Variants in VSIG10L2 observed in about 807,000 individuals in gnomAD.
The protein encoded by VSIG10L2 is V-set and immunoglobulin domain containing 10 like 2.
VSIG10L2 carries 56 observed loss-of-function variants against 67.1 expected under a neutral mutation model. The ratio of observed to expected loss-of-function variants is 0.83; its 90% confidence interval spans 0.67 to 1.04. The LOEUF is 1.04. Among genes scored for constraint, VSIG10L2 ranks in the 50% least tolerant of loss-of-function variants. The pLI is 0.00. For missense variants in VSIG10L2, 843 were observed against 932.8 expected (o/e 0.90, Z 1.25); for synonymous variants, 360 against 396.6 (o/e 0.91, Z 1.10).
chr11:125,951,461 T>A (rs1055581124), intron 5 of VSIG10L2, among the ~76,000 whole-genome samples: 11 of 152,186 alleles, frequency 7.2e-5, no homozygotes, highest in African/African-American at 2.7e-4. Context: ...CTCTGACGCA[T>A]GTTGGGCTTG....
rs1336986067 is a variant in VSIG10L2, at chr11:125,955,635, G to A, written c.2252G>A (p.Arg751Lys). ...CTCAGGGAGCAAAGGCACCAACAGA[G>A]GGGTTCCAGAGAAGATGCTGAGGCA... ...LVPTEQRHQQ[R>K]GSREDAEAPA... Residue 751 changes from arginine (R) to lysine (K), a missense_variant, in exon 11 of 12, where the codon AGG (arginine) becomes AAG (lysine). Coordinates refer to ENST00000686984, the MANE Select transcript of VSIG10L2 (RefSeq NM_001365077.2). The A allele has an allele frequency of 3.3e-6, 5 of 1,531,778 alleles. No homozygotes were observed. The South Asian group carries it at 4.8e-5, about 15-fold the overall frequency. The allele number at this position is 1,531,778 out of a possible 1,614,324, so 94.9% of individuals were successfully genotyped here.
intron 4 of VSIG10L2, 70 bp from the exon 5 acceptor site, chr11:125,950,840 T>C: frequency 8.1e-7 from 1 of 1,229,014 alleles, no homozygotes; most frequent in African/African-American, 1.6e-5. Context: ...CAGACTCCCC[T>C]GCCTGGGCCT....
chr11:125,949,382 G>T (rs117364045), intron 3 of VSIG10L2, among the ~76,000 whole-genome samples: 1 of 152,174 alleles, frequency 6.6e-6, no homozygotes, highest in Non-Finnish European at 1.5e-5. Context: ...TTTAAGGAGC[G>T]AGGACGAATG....
intron 3 of VSIG10L2, among the ~76,000 whole-genome samples, chr11:125,949,734 G>T (rs1392961353): frequency 6.6e-6 from 1 of 152,110 alleles, no homozygotes; most frequent in Non-Finnish European, 1.5e-5. Context: ...GGGAAGCATT[G>T]GTCCCCTACC....
chr11:125,950,901 C>T lies in VSIG10L2; in HGVS notation c.986-9C>T. 1 of 1,232,734 alleles carries T rather than the reference C, an allele frequency of 8.1e-7. No homozygotes were observed. Among genetic ancestry groups the T allele is most frequent in the Non-Finnish European group, 1.0e-6 (1 of 988,440 alleles). 76.4% of individuals were successfully genotyped at this position (1,232,734 alleles called of 1,614,324 possible). ...AGCCTGCTCCAGCCTCACCCACTTC[C>T]CCATCCAGATCCCCCTGAGGGACAG... is the stretch of plus-strand genomic sequence containing the variant. On this transcript the variant is annotated splice_polypyrimidine_tract_variant and intron_variant, in intron 4 of 11. Transcript: ENST00000686984.
intron 3 of VSIG10L2, among the ~76,000 whole-genome samples, chr11:125,949,418 T>C (rs1029495943): frequency 4.6e-5 from 7 of 152,132 alleles, no homozygotes; most frequent in Admixed American, 6.5e-5. Flanking sequence ...GTCTTCACCG[T>C]GGCGGTTTGT....
At chr11:125,948,657 G>C in intron 3 of VSIG10L2, 77 bp downstream of exon 3, 1 of 1,220,614 alleles carries the variant, frequency 8.2e-7, no homozygotes, top group Non-Finnish European at 1.0e-6. Context: ...CCACACCTCA[G>C]AACTCCCCAA....
rs910748788 is a variant in VSIG10L2, at chr11:125,947,788, C to T, written c.185C>T (p.Pro62Leu). ...CTGGCCTGTGGCTCAGGGCCTGCCC[C>T]GCTGCTGGTCCTCTGGAGCTTCACC... Reference protein sequence around the residue: ...VELACGSGPAPLLVLWSFTPL... With the variant: ...VELACGSGPALLLVLWSFTPL... The change falls in exon 2 of 12, where the codon CCG (proline) becomes CTG (leucine). Residue 62 changes from proline (P) to leucine (L), a missense_variant. Pro to Leu is a moderately conservative substitution (Grantham distance 98). Around this residue, in one of 2 missense-constraint regions of VSIG10L2, gnomAD observed 446 missense variants for 548.4 expected, o/e 0.81. Transcript: ENST00000686984. The T allele has an allele frequency of 1.9e-5, 23 of 1,232,532 alleles. No homozygotes were observed. The highest frequency in any genetic ancestry group is 3.2e-5 in the East Asian group (1 of 31,712). 76.3% of individuals were successfully genotyped at this position (1,232,532 alleles called of 1,614,324 possible). A position where few individuals can be genotyped will look rare whatever the true frequency, so the allele number is the denominator to read the frequency against.
intron 7 of VSIG10L2, 77 bp from the exon 8 acceptor site, chr11:125,954,008 GAC>G: frequency 8.5e-7 from 1 of 1,179,318 alleles, no homozygotes; most frequent in Non-Finnish European, 1.1e-6. Context: ...GCTGTCTCTT[GAC>G]AGGAGCAAAT....
Position 125,956,286 on chromosome 11 carries a change from T to G in VSIG10L2, c.*372T>G. ...GAAAAAAAGTCTGTGGATGGAGCAA[T>G]TCCTAAATAAATCAGAGCTGATGTT... On this transcript the variant is annotated 3_prime_UTR_variant, in exon 12 of 12. Coordinates refer to ENST00000686984, the MANE Select transcript of VSIG10L2 (RefSeq NM_001365077.2). The G allele has an allele frequency of 1.6e-6, 1 of 613,018 alleles. No individual in the cohort carries two copies. Among genetic ancestry groups the G allele is most frequent in the Non-Finnish European group, 2.7e-6 (1 of 367,224 alleles). 38.0% of individuals were successfully genotyped at this position (613,018 alleles called of 1,614,324 possible). A position where few individuals can be genotyped will look rare whatever the true frequency, so the allele number is the denominator to read the frequency against.
At position 125,955,805 on chromosome 11, in the gene VSIG10L2, T is replaced by C. The variant is rs1362910378; in HGVS notation, c.2285-12T>C. 8 of 814,862 alleles carry C rather than the reference T, an allele frequency of 9.8e-6. No individual in the cohort carries two copies. Among genetic ancestry groups the C allele is most frequent in the African/African-American group, 3.4e-5 (2 of 59,272 alleles). 50.5% of individuals were successfully genotyped at this position (814,862 alleles called of 1,614,324 possible). ...CATCCCTCTGTTCTTTGCCCACATA[T>C]GCTCTTCATAGGCCTTGAAACACCA... On this transcript the variant is annotated splice_polypyrimidine_tract_variant and intron_variant, in intron 11 of 11. Transcript: ENST00000686984.
chr11:125,949,573 C>T (rs118117893), intron 3 of VSIG10L2, among the ~76,000 whole-genome samples: 1,647 of 151,926 alleles, frequency 0.011, 13 homozygotes, highest in Non-Finnish European at 0.017. Flanking sequence ...GAGCTTGGAA[C>T]GCAGGAGAGA....
At position 125,949,910 on chromosome 11, in the gene VSIG10L2, C is replaced by T. The variant is rs1945343133; in HGVS notation, c.710-104C>T. The T allele has an allele frequency of 3.5e-6, 4 of 1,147,274 alleles. No individual in the cohort carries two copies. The Admixed American group carries it at 1.3e-4, about 36-fold the overall frequency. 71.1% of individuals were successfully genotyped at this position (1,147,274 alleles called of 1,614,324 possible). A position where few individuals can be genotyped will look rare whatever the true frequency, so the allele number is the denominator to read the frequency against. ...GCCTTGGGGTGGACACGGGCCAGTG[C>T]ATACTACATGCCCCTAGGATGGATG... On this transcript the variant is annotated intron_variant, in intron 3 of 11. Coordinates refer to ENST00000686984, the MANE Select transcript of VSIG10L2 (RefSeq NM_001365077.2).
intron 1 of VSIG10L2, 52 bp from the exon 2 acceptor site, chr11:125,947,634 C>T: frequency 8.1e-7 from 1 of 1,232,132 alleles, no homozygotes; most frequent in Non-Finnish European, 1.0e-6. Flanking sequence ...GCAGGGAGTG[C>T]AGGAGAGCCC....
At chr11:125,948,623 A>ATC in intron 3 of VSIG10L2, 43 bp downstream of exon 3, 1 of 1,231,352 alleles carries the variant, frequency 8.1e-7, no homozygotes, top group Non-Finnish European at 1.0e-6. Context: ...GCTGACACCC[A>ATC]TCTCCCCATC....
chr11:125,955,174 TC>T lies in VSIG10L2; in HGVS notation c.2206del (p.Arg736AlafsTer48). 1 of 1,249,956 alleles carries T rather than the reference TC, an allele frequency of 8.0e-7. No homozygotes were observed. The highest frequency in any genetic ancestry group is 1.0e-6 in the Non-Finnish European group (1 of 998,784). 77.4% of individuals were successfully genotyped at this position (1,249,956 alleles called of 1,614,324 possible). On this transcript the variant is annotated frameshift_variant, in exon 9 of 12. Transcript: ENST00000686984. LOFTEE classifies it high-confidence loss of function. ...FQYAARHPET[F>X]PRLGQLLVPT... ...TATGCTGCCCGGCACCCAGAGACTT[TC>T]CCCCGTGAGTGGGAATCGGAAGGGA...
intron 6 of VSIG10L2, among the ~76,000 whole-genome samples, chr11:125,952,867 G>A (rs1945396024): frequency 6.6e-6 from 1 of 152,254 alleles, no homozygotes; most frequent in Admixed American, 6.5e-5. Flanking sequence ...TTGGTAACTA[G>A]CATGTTCTCA....
chr11:125,949,053 C>A (rs1291976483), intron 3 of VSIG10L2, among the ~76,000 whole-genome samples: 2 of 152,200 alleles, frequency 1.3e-5, no homozygotes, highest in African/African-American at 4.8e-5. Context: ...TGTGTATCTT[C>A]GGTCACTTGA....
At position 125,948,486 on chromosome 11, in the gene VSIG10L2, C is replaced by T; in HGVS notation, c.615C>T (p.Asp205=). 8.1e-7 allele frequency: 1 copy of T among 1,232,258 alleles called. No individual in the cohort carries two copies. Among genetic ancestry groups the T allele is most frequent in the Non-Finnish European group, 1.0e-6 (1 of 988,020 alleles). The allele number at this position is 1,232,258 out of a possible 1,614,324, so 76.3% of individuals were successfully genotyped here. The change falls in exon 3 of 12, where the codon GAC becomes GAT. Residue 205 remains aspartate, a synonymous_variant. Coordinates refer to ENST00000686984, the MANE Select transcript of VSIG10L2 (RefSeq NM_001365077.2). ...VGVTEPLFQL[D]PVNRTHLGWY... ...TCACTGAGCCACTATTCCAGCTGGA[C>T]CCTGTCAACCGGACACACCTAGGGT... is the stretch of plus-strand genomic sequence containing the variant.
Sources: allele counts gnomAD v4.1 joint callset (sites outside exome capture counted in the v4.1 genomes callset), GRCh38; gene constraint gnomAD v4.1.1; regional missense constraint gnomAD v4.1.1; transcripts MANE v1.5; gene names NCBI Gene and HGNC (gene_info 2026-07-23, HGNC 2026-07-21).